The following NDST3 variants were observed in gnomAD, a reference collection of about 807,000 sequenced individuals.
NDST3 encodes bifunctional heparan sulfate N-deacetylase/N-sulfotransferase 3.
In NDST3, 58 loss-of-function variants were observed where a neutral mutation model predicts 96.1. That is an observed-to-expected ratio of 0.60 (90% CI 0.49 to 0.75). The LOEUF (loss-of-function observed/expected upper bound fraction) is 0.75. Among genes scored for constraint, NDST3 ranks in the 30% least tolerant of loss-of-function variants. The pLI is 0.00. For missense variants in NDST3, 788 were observed against 1,034.2 expected, an observed-to-expected ratio of 0.76 and a Z score of 3.27; for synonymous variants, 333 against 359.7, an observed-to-expected ratio of 0.93 and a Z score of 0.84.
intron 11 of NDST3, 116 bp downstream of exon 11, chr4:118,240,810 T>C: frequency 1.1e-6 from 1 of 950,562 alleles, no homozygotes; most frequent in Non-Finnish European, 1.5e-6. Context: ...TCTTTAGTTG[T>C]AAATAATGAG....
At chr4:118,144,153 G>T (rs991075361) in intron 6 of NDST3, among the ~76,000 whole-genome samples, 1 of 151,986 alleles carries the variant, frequency 6.6e-6, no homozygotes, top group African/African-American at 2.4e-5. Context: ...CTAGGTCATA[G>T]GCTGAAGCAG....
chr4:118,072,856 C>T (rs1330256959), intron 2 of NDST3, among the ~76,000 whole-genome samples: 1 of 152,070 alleles, frequency 6.6e-6, no homozygotes, highest in African/African-American at 2.4e-5. Flanking sequence ...ATGATATTGG[C>T]TGTGGGTTTG....
intron 2 of NDST3, among the ~76,000 whole-genome samples, chr4:118,069,730 C>T (rs756884688): frequency 4.6e-5 from 7 of 151,854 alleles, no homozygotes; most frequent in Non-Finnish European, 7.4e-5. Context: ...TTAATATGGT[C>T]ACTTATGTTT....
chr4:118,119,780 A>T (rs1731398456), intron 4 of NDST3, among the ~76,000 whole-genome samples: 1 of 152,164 alleles, frequency 6.6e-6, no homozygotes, highest in Non-Finnish European at 1.5e-5. Flanking sequence ...CTGCTACCAC[A>T]TCAGATTCTT....
rs774164880 is a variant in NDST3 at position 118,255,585 on chromosome 4, C to A, written c.2503-8C>A. 1 of 1,600,830 alleles carries A rather than the reference C, an allele frequency of 6.2e-7. No individual in the cohort carries two copies. The highest frequency in any genetic ancestry group is 8.5e-7 in the Non-Finnish European group (1 of 1,173,524). ...AAAATGTACTTTTCTCTCCTCCTCT[C>A]CACTTAGAGCAGGACATTTCTGTCA... is the stretch of plus-strand genomic sequence containing the variant. On this transcript the variant is annotated splice_region_variant and splice_polypyrimidine_tract_variant and intron_variant, in intron 13 of 13. Coordinates refer to ENST00000296499, the MANE Select transcript of NDST3 (RefSeq NM_004784.3).
At chr4:118,037,488 G>A (rs1413145616) in intron 1 of NDST3, among the ~76,000 whole-genome samples, 3 of 152,110 alleles carry the variant, frequency 2.0e-5, no homozygotes, top group East Asian at 1.9e-4. Flanking sequence ...GTTTGAGTCC[G>A]GCTCCAGCAC....
intron 6 of NDST3, among the ~76,000 whole-genome samples, chr4:118,178,958 T>G (rs1187648036): frequency 6.6e-6 from 1 of 152,022 alleles, no homozygotes; most frequent in Non-Finnish European, 1.5e-5. Flanking sequence ...CTACAATTCA[T>G]GGATGCTGGA....
intron 2 of NDST3, among the ~76,000 whole-genome samples, chr4:118,085,542 G>A (rs1221762371): frequency 1.3e-5 from 2 of 152,098 alleles, no homozygotes; most frequent in African/African-American, 2.4e-5. Flanking sequence ...AATGATAAGT[G>A]GTGAAAAAAA....
In NDST3 at chr4:118,137,117, A is replaced by T. The variant is rs565393432; in HGVS notation, c.1225-937A>T. Among the ~76,000 whole-genome samples, 15 of 152,340 alleles carry T rather than the reference A, an allele frequency of 9.8e-5. No homozygotes were observed. The South Asian group carries it at 2.9e-3, about 29-fold the overall frequency. ...AATTTAAACCATTTAGCAGCCTGAT[A>T]CTATGATTCTGTGTATGTGAAACTG... On this transcript the variant is annotated intron_variant, in intron 4 of 13. Coordinates refer to ENST00000296499, the MANE Select transcript of NDST3 (RefSeq NM_004784.3).
chr4:118,178,025 C>T (rs1469141618), intron 6 of NDST3, among the ~76,000 whole-genome samples: 1 of 151,558 alleles, frequency 6.6e-6, no homozygotes, highest in Non-Finnish European at 1.5e-5. Flanking sequence ...CCACACACAC[C>T]CTATTTTAAT....
At chr4:118,152,320 A>T (rs980436091) in intron 6 of NDST3, among the ~76,000 whole-genome samples, 1 of 152,208 alleles carries the variant, frequency 6.6e-6, no homozygotes, top group Non-Finnish European at 1.5e-5. Flanking sequence ...AAGTTACCTC[A>T]GGTAATGGGA....
chr4:118,181,250 A>G (rs28515963), intron 6 of NDST3, among the ~76,000 whole-genome samples: 3,852 of 152,178 alleles, frequency 0.025, 64 homozygotes, highest in African/African-American at 0.037. Flanking sequence ...GTAATTTCCC[A>G]TCTCCTGACC....
At chr4:118,244,111 A>C (rs2126008690) in intron 12 of NDST3, among the ~76,000 whole-genome samples, 1 of 152,092 alleles carries the variant, frequency 6.6e-6, no homozygotes, top group South Asian at 2.1e-4. Flanking sequence ...TTTCCATTCC[A>C]TTTCTTTTTA....
intron 2 of NDST3, chr4:118,055,103 G>C (rs770604193): frequency 3.2e-6 from 2 of 623,750 alleles, no homozygotes; most frequent in East Asian, 3.0e-5. Flanking sequence ...AAAAGATTGA[G>C]TGTGGCAGGA....
At chr4:118,067,263 T>A (rs1272225181) in intron 2 of NDST3, among the ~76,000 whole-genome samples, 1 of 151,982 alleles carries the variant, frequency 6.6e-6, no homozygotes, top group East Asian at 1.9e-4. Context: ...CCATTTTAAC[T>A]CTAGTGTGAT....
chr4:118,212,297 G>A (rs1218464086), intron 6 of NDST3, among the ~76,000 whole-genome samples: 1 of 152,194 alleles, frequency 6.6e-6, no homozygotes, highest in Non-Finnish European at 1.5e-5. Flanking sequence ...TCACTTAGTG[G>A]GGGCAAGGTG....
chr4:118,181,849 T>C (rs1483126074), intron 6 of NDST3, among the ~76,000 whole-genome samples: 11 of 152,308 alleles, frequency 7.2e-5, no homozygotes, highest in African/African-American at 2.4e-4. Flanking sequence ...CATTTATCTA[T>C]AAGGCAATTT....
chr4:118,093,741 G>A (rs183117328), intron 2 of NDST3, among the ~76,000 whole-genome samples: 1 of 151,946 alleles, frequency 6.6e-6, no homozygotes, highest in East Asian at 1.9e-4. Context: ...TTTTAAGTGA[G>A]AGCATGAAAC....
At chr4:118,229,060 G>A (rs989543317) in intron 8 of NDST3, among the ~76,000 whole-genome samples, 1 of 152,106 alleles carries the variant, frequency 6.6e-6, no homozygotes, top group Non-Finnish European at 1.5e-5. Flanking sequence ...CAGCACTTTG[G>A]GAGACCAAGG....
Sources: allele counts gnomAD v4.1 joint callset (sites outside exome capture counted in the v4.1 genomes callset), GRCh38; gene constraint gnomAD v4.1.1; transcripts MANE v1.5; gene names NCBI Gene and HGNC (gene_info 2026-07-23, HGNC 2026-07-21).